Variants in PIK3C3 observed in about 807,000 individuals in gnomAD.
PIK3C3 encodes PI3-kinase type 3.
PIK3C3 carries 95 observed loss-of-function variants against 126.1 expected under a neutral mutation model. The observed-to-expected ratio is 0.75, with a 90% CI of 0.64 to 0.89. The LOEUF is 0.89. Among genes scored for constraint, PIK3C3 ranks in the 40% least tolerant of loss-of-function variants. The pLI, the probability that PIK3C3 is intolerant of heterozygous loss-of-function variation, is 0.00. For synonymous variants in PIK3C3, 374 were observed against 360.0 expected (o/e 1.04, Z -0.44); for missense variants, 829 against 1,063.2 (o/e 0.78, Z 3.06).
chr18:41,966,198 T>A (rs76209627), intron 3 of PIK3C3, among the ~76,000 whole-genome samples: 4 of 143,690 alleles, frequency 2.8e-5, no homozygotes, highest in Admixed American at 7.2e-5. Context: ...TTTTTTTTTT[T>A]TTGAGATGGA....
chr18:41,984,705 C>T (rs903917195), intron 4 of PIK3C3, among the ~76,000 whole-genome samples: 1 of 152,104 alleles, frequency 6.6e-6, no homozygotes, highest in African/African-American at 2.4e-5. Context: ...CTAAACTCTA[C>T]ACACCTGCTC....
intron 16 of PIK3C3, among the ~76,000 whole-genome samples, chr18:42,036,594 G>A (rs1415200466): frequency 6.6e-6 from 1 of 150,944 alleles, no homozygotes; most frequent in Non-Finnish European, 1.5e-5. Flanking sequence ...TTTATGTGAG[G>A]TTTTATGATT....
At chr18:41,997,042 A>G (rs1021058377) in intron 9 of PIK3C3, among the ~76,000 whole-genome samples, 3 of 152,184 alleles carry the variant, frequency 2.0e-5, no homozygotes, top group Non-Finnish European at 2.9e-5. Flanking sequence ...TGGTGTCCTT[A>G]TTATTCTAAT....
intron 3 of PIK3C3, among the ~76,000 whole-genome samples, chr18:41,965,847 C>T (rs1190679279): frequency 1.3e-5 from 2 of 152,148 alleles, no homozygotes; most frequent in African/African-American, 4.8e-5. Flanking sequence ...ACTTGTTCTA[C>T]TTTAAAAAGT....
intron 14 of PIK3C3, 145 bp from the exon 15 acceptor site, chr18:42,029,180 T>A (rs1983707022): frequency 1.8e-6 from 1 of 564,510 alleles, no homozygotes; most frequent in Admixed American, 2.8e-5. Flanking sequence ...CTTGTTATTT[T>A]TGAATCAAGA....
chr18:42,023,991 AG>A, intron 13 of PIK3C3, among the ~76,000 whole-genome samples: 1 of 152,308 alleles, frequency 6.6e-6, no homozygotes, highest in East Asian at 1.9e-4. Flanking sequence ...GGGGCGTTAC[AG>A]TCTCCAGTTT....
At chr18:41,992,572 C>T (rs2144357521) in intron 6 of PIK3C3, among the ~76,000 whole-genome samples, 1 of 152,196 alleles carries the variant, frequency 6.6e-6, no homozygotes, top group African/African-American at 2.4e-5. Context: ...GTATATTTGG[C>T]AGTGACATTT....
chr18:42,061,407 AC>A (rs1985308537), intron 22 of PIK3C3, among the ~76,000 whole-genome samples: 1 of 151,986 alleles, frequency 6.6e-6, no homozygotes, highest in Non-Finnish European at 1.5e-5. Context: ...ACATGGTGAA[AC>A]CCTGTCTCTA....
chr18:42,057,044 T>C (rs1171629985), intron 21 of PIK3C3, among the ~76,000 whole-genome samples: 1 of 147,784 alleles, frequency 6.8e-6, no homozygotes, highest in Non-Finnish European at 1.5e-5. Flanking sequence ...AGTAGTTTCT[T>C]TTAATAGAAA....
chr18:42,017,985 T>TTA (rs5824389), intron 12 of PIK3C3, among the ~76,000 whole-genome samples: 33,571 of 151,096 alleles, frequency 0.22, 4,189 homozygotes, highest in South Asian at 0.39. Flanking sequence ...CTATACTTTC[T>TTA]TATATATATA....
intron 1 of PIK3C3, among the ~76,000 whole-genome samples, chr18:41,956,541 C>A (rs1979782760): frequency 6.9e-6 from 1 of 144,698 alleles, no homozygotes; most frequent in Non-Finnish European, 1.5e-5. Context: ...GCCAAAAAAA[C>A]CGGTCCCTTT....
intron 20 of PIK3C3, among the ~76,000 whole-genome samples, chr18:42,048,466 G>A (rs1298986700): frequency 6.6e-6 from 1 of 152,080 alleles, no homozygotes; most frequent in Non-Finnish European, 1.5e-5. Context: ...CAGTGACTTT[G>A]AACAATACTA....
intron 21 of PIK3C3, among the ~76,000 whole-genome samples, chr18:42,056,485 CAG>C (rs1985070719): frequency 6.6e-6 from 1 of 152,052 alleles, no homozygotes; most frequent in East Asian, 1.9e-4. Context: ...AGTTTTGTGT[CAG>C]AGATTGACCG....
At chr18:42,076,191 TGCACAC>T (rs1986020455) in intron 24 of PIK3C3, among the ~76,000 whole-genome samples, 3 of 110,894 alleles carry the variant, frequency 2.7e-5, no homozygotes, top group African/African-American at 1.5e-4. Flanking sequence ...CATATATATA[TGCACAC>T]ATATATATAT....
At chr18:42,076,717 G>A (rs1986048317) in intron 24 of PIK3C3, among the ~76,000 whole-genome samples, 1 of 152,158 alleles carries the variant, frequency 6.6e-6, no homozygotes. Context: ...CAGCCCAAAT[G>A]CCTTGCAGTT....
At chr18:42,029,265 A>G (rs903473217) in intron 14 of PIK3C3, 60 bp from the exon 15 acceptor site, 2 of 983,352 alleles carry the variant, frequency 2.0e-6, no homozygotes, top group Non-Finnish European at 3.3e-6. Context: ...CCATGCTGTT[A>G]AAGAAATCCA....
chr18:42,050,332 G>A (rs1330866142), intron 21 of PIK3C3: 1 of 152,086 alleles, frequency 6.6e-6, no homozygotes, highest in Non-Finnish European at 1.5e-5. Context: ...AGTCCCCTTT[G>A]TCCTGACAAC....
chr18:42,076,125 CATATATATATATATATATGCGCAT>C (rs1985988889), intron 24 of PIK3C3, among the ~76,000 whole-genome samples: 3 of 47,708 alleles, frequency 6.3e-5, no homozygotes, highest in East Asian at 7.3e-4. Context: ...TATATATGCG[CATATATATATATATATATGCGCAT>C]ATATATATAT....
rs757793508 is a variant in PIK3C3, at chr18:41,993,355, C to T, written c.786+14C>T. On this transcript the variant is annotated intron_variant, in intron 7 of 24. Transcript: ENST00000262039. ...CAGATGTCTATGGTAAGTTATTGTG[C>T]AATTTTTTTATGAAAGTACTTTTCT... The T allele has an allele frequency of 3.1e-5, 48 of 1,553,954 alleles. No homozygotes were observed. Among genetic ancestry groups the T allele is most frequent in the South Asian group, 9.1e-5 (8 of 87,924 alleles).
Sources: allele counts gnomAD v4.1 joint callset (sites outside exome capture counted in the v4.1 genomes callset), GRCh38; gene constraint gnomAD v4.1.1; transcripts MANE v1.5; gene names NCBI Gene and HGNC (gene_info 2026-07-23, HGNC 2026-07-21).